The following ABLIM1 variants were observed in gnomAD, a reference collection of about 807,000 sequenced individuals.
ABLIM1 encodes actin-binding LIM protein 1.
In ABLIM1, 40 loss-of-function variants were observed where a neutral mutation model predicts 107.0. That is an observed-to-expected ratio of 0.37 (90% confidence interval 0.29 to 0.49). The LOEUF (loss-of-function observed/expected upper bound fraction) is 0.49. Among genes scored for constraint, ABLIM1 ranks in the 20% least tolerant of loss-of-function variants. ABLIM1 has a pLI of 0.97. For missense variants in ABLIM1, 857 were observed against 1,008.5 expected, an observed-to-expected ratio of 0.85 and a Z score of 2.04; for synonymous variants, 357 against 357.3, an observed-to-expected ratio of 1.00 and a Z score of 0.01.
At chr10:114,699,148 T>C (rs1273892200) in intron 1 of ABLIM1, among the ~76,000 whole-genome samples, 1 of 145,410 alleles carries the variant, frequency 6.9e-6, no homozygotes, top group Non-Finnish European at 1.5e-5. Flanking sequence ...TTTATGTAAA[T>C]TAAAAATCTG....
At position 114,646,753 on chromosome 10, in the gene ABLIM1, T is replaced by C. The variant is rs546253359; in HGVS notation, c.244+11204A>G. Among the ~76,000 whole-genome samples, 55 of 152,198 alleles carry C rather than the reference T, an allele frequency of 3.6e-4. 1 individual carries two copies. In the South Asian group the frequency reaches 0.011, roughly 30 times the overall value. The stretch of plus-strand genomic sequence containing the variant: ...GCAGCTGCTGCCACATATAGAAAAA[T>C]GAACTGGATCACTCTTGGTATGTAG... On this transcript the variant is annotated intron_variant, in intron 1 of 22. Transcript: ENST00000533213.
chr10:114,758,466 C>G (rs1317204972), intron 1 of ABLIM1, among the ~76,000 whole-genome samples: 2 of 152,194 alleles, frequency 1.3e-5, no homozygotes, highest in Non-Finnish European at 2.9e-5. Context: ...ACCAGAACAA[C>G]AAGAACAAAA....
At chr10:114,773,686 C>G in the ABLIM1 span, among the ~76,000 whole-genome samples, 4 of 152,178 alleles carry the variant, frequency 2.6e-5, no homozygotes, top group Non-Finnish European at 5.9e-5. Context: ...TGCGCCACTG[C>G]ACTCCAGCCT....
intron 6 of ABLIM1, among the ~76,000 whole-genome samples, chr10:114,528,305 C>T (rs917148143): frequency 2.0e-5 from 3 of 152,104 alleles, no homozygotes; most frequent in South Asian, 2.1e-4. Context: ...GGATGATTTA[C>T]GAAATTTTTT....
chr10:114,455,324 T>C (rs952723914), intron 12 of ABLIM1, among the ~76,000 whole-genome samples: 1 of 152,368 alleles, frequency 6.6e-6, no homozygotes, highest in Admixed American at 6.5e-5. Flanking sequence ...CCAAATATGT[T>C]ATAATGTTGA....
upstream of ABLIM1, chr10:114,658,312 C>G (rs138122678): frequency 4.5e-4 from 679 of 1,500,940 alleles, 2 homozygotes; most frequent in African/African-American, 8.7e-3. Context: ...TTTCTCACTG[C>G]CCAGCAAAGA....
chr10:114,541,399 A>G (rs1210010365), intron 6 of ABLIM1, among the ~76,000 whole-genome samples: 1 of 152,198 alleles, frequency 6.6e-6, no homozygotes, highest in African/African-American at 2.4e-5. Context: ...TAAAAAACCC[A>G]CAAAACCCCA....
At chr10:114,615,037 CA>C (rs532550798) in intron 1 of ABLIM1, among the ~76,000 whole-genome samples, 73 of 121,666 alleles carry the variant, frequency 6.0e-4, no homozygotes, top group African/African-American at 2.2e-3. Flanking sequence ...GCAATAAGAG[CA>C]AAACTCTGTC....
intron 5 of ABLIM1, among the ~76,000 whole-genome samples, 198 bp from the exon 6 acceptor site, chr10:114,545,296 C>T (rs1268630882): frequency 1.3e-5 from 2 of 152,300 alleles, no homozygotes; most frequent in African/African-American, 2.4e-5. Flanking sequence ...AGAGAGCACT[C>T]TGCGGCTCTC....
intron 8 of ABLIM1, among the ~76,000 whole-genome samples, chr10:114,486,495 T>C (rs973078990): frequency 1.3e-5 from 2 of 152,184 alleles, no homozygotes; most frequent in Non-Finnish European, 2.9e-5. Flanking sequence ...GTTCTCATAT[T>C]TTATAAAGGT....
intron 1 of ABLIM1, among the ~76,000 whole-genome samples, chr10:114,745,888 A>G (rs566614821): frequency 8.6e-4 from 131 of 152,340 alleles, no homozygotes; most frequent in African/African-American, 3.0e-3. Flanking sequence ...ACATGACGTC[A>G]ATCTCTATAA....
intron 6 of ABLIM1, among the ~76,000 whole-genome samples, chr10:114,507,635 C>A: frequency 6.6e-6 from 1 of 152,318 alleles, no homozygotes; most frequent in East Asian, 1.9e-4. Flanking sequence ...GCCAGCCACA[C>A]CTGCTGTACC....
chr10:114,658,387 A>C (rs2079629423), upstream of ABLIM1: 1 of 1,164,674 alleles, frequency 8.6e-7, no homozygotes, highest in Admixed American at 3.6e-5. Flanking sequence ...TCTCAGTCAG[A>C]TGACTAGGTA....
intron 1 of ABLIM1, among the ~76,000 whole-genome samples, chr10:114,708,775 T>G (rs537276058): frequency 4.6e-5 from 7 of 152,322 alleles, no homozygotes; most frequent in Middle Eastern, 3.4e-3. Flanking sequence ...TTTTTAATGC[T>G]TGATAAACTT....
At chr10:114,442,570 A>G (rs1885334) in intron 17 of ABLIM1, among the ~76,000 whole-genome samples, 34,301 of 152,196 alleles carry the variant, frequency 0.23, 4,817 homozygotes, top group African/African-American at 0.41. Context: ...ATCCAAGATC[A>G]ATGCCAGTGA....
chr10:114,575,386 T>C (rs542818279), intron 3 of ABLIM1, 30 bp downstream of exon 3: 108 of 1,606,234 alleles, frequency 6.7e-5, no homozygotes, highest in Middle Eastern at 6.6e-4. Context: ...TGGAGGAAGG[T>C]GTAGGCTTTG....
Position 114,751,769 on chromosome 10 carries a change from G to GA in ABLIM1, c.-213+16291dup, listed in dbSNP as rs1169050901. 2.1e-3 allele frequency among the ~76,000 whole-genome samples: 297 copies of GA among 144,764 alleles called. 1 individual carries two copies. Among genetic ancestry groups the GA allele is most frequent in the African/African-American group, 6.7e-3 (266 of 39,482 alleles). The allele number at this position is 144,764 out of a possible 152,430, so 95.0% of individuals were successfully genotyped here. A position where few individuals can be genotyped will look rare whatever the true frequency, so the allele number is the denominator to read the frequency against. ...GTCTCAAAAAAAAAAAAAAAGGAAAGAAAAAAAAAGGCGTACAACAAACGA... is the reference window on the plus strand; with the variant it reads ...GTCTCAAAAAAAAAAAAAAAGGAAAGAAAAAAAAAAGGCGTACAACAAACGA... On this transcript the variant is annotated intron_variant, in intron 1 of 15. Transcript: ENST00000651092.
Position 114,444,073 on chromosome 10 carries a change from C to A in ABLIM1, c.1889G>T (p.Arg630Met). Residue 630 changes from arginine to methionine, a missense_variant, in exon 17 of 23, where the codon AGG becomes ATG. Physicochemically the swap from Arg to Met is moderately conservative, Grantham distance 91. Around this residue, in one of 5 missense-constraint regions of ABLIM1, gnomAD observed 193 missense variants for 208.5 expected, o/e 0.93. Transcript: ENST00000533213. The part of the protein sequence containing the change: ...KEEMEKESRE[R>M]SSLLASRYDS... ...GTAGCGACTGGCTAACAGAGATGACCTTTCCCGGCTCTCTTTCTCCATCTC... is the reference window on the plus strand; with the variant it reads ...GTAGCGACTGGCTAACAGAGATGACATTTCCCGGCTCTCTTTCTCCATCTC... The A allele has an allele frequency of 6.2e-7, 1 of 1,612,988 alleles. No individual in the cohort carries two copies. Among genetic ancestry groups the A allele is most frequent in the Non-Finnish European group, 8.5e-7 (1 of 1,179,712 alleles).
At chr10:114,794,531 T>C in the ABLIM1 span, among the ~76,000 whole-genome samples, 3 of 152,240 alleles carry the variant, frequency 2.0e-5, no homozygotes, top group African/African-American at 7.2e-5. Context: ...CTGAGGTTTC[T>C]GAAAAATGAG....
Sources: gnomAD v4.1 joint callset for allele counts (sites outside exome capture counted in the v4.1 genomes callset) on GRCh38, gnomAD v4.1.1 for gene constraint, gnomAD v4.1.1 regional missense constraint, MANE v1.5 for transcripts, NCBI Gene and HGNC (gene_info 2026-07-23, HGNC 2026-07-21) for gene names.